TAMM41: variants seen among roughly 807,000 people sequenced by gnomAD.
The protein encoded by TAMM41 is TAM41 mitochondrial translocator assembly and maintenance homolog.
TAMM41 carries 36 observed loss-of-function variants against 44.1 expected under a neutral mutation model. That is an observed-to-expected ratio of 0.82 (90% CI 0.63 to 1.08). The LOEUF (loss-of-function observed/expected upper bound fraction) is 1.08, where lower values mean the gene tolerates loss of function less well. TAMM41 is among the 50% of genes least tolerant of loss of function. The pLI, the probability that TAMM41 is intolerant of heterozygous loss-of-function variation, is 0.00. For synonymous variants in TAMM41, 164 were observed against 153.1 expected (o/e 1.07, Z -0.53); for missense variants, 417 against 404.3 (o/e 1.03, Z -0.27).
intron 7 of TAMM41, among the ~76,000 whole-genome samples, chr3:11,806,917 A>T (rs1041628376): frequency 6.6e-6 from 1 of 152,254 alleles, no homozygotes; most frequent in African/African-American, 2.4e-5. Flanking sequence ...CTAGAAGTAA[A>T]AGATAAATGC....
chr3:11,781,467 G>A, the TAMM41 span, among the ~76,000 whole-genome samples: 1 of 152,126 alleles, frequency 6.6e-6, no homozygotes, highest in Non-Finnish European at 1.5e-5. Flanking sequence ...AGGTGCGGTG[G>A]CTCACACCTG....
downstream of TAMM41, among the ~76,000 whole-genome samples, chr3:11,790,061 A>G (rs1419878427): frequency 1.3e-5 from 2 of 152,226 alleles, no homozygotes; most frequent in African/African-American, 4.8e-5. Flanking sequence ...GCCTAGATCC[A>G]GGGAAATGTT....
chr3:11,775,764 T>C, the TAMM41 span, among the ~76,000 whole-genome samples: 1 of 152,170 alleles, frequency 6.6e-6, no homozygotes, highest in African/African-American at 2.4e-5. Context: ...TATGTATATA[T>C]ACAGCCATGC....
intron 3 of TAMM41, among the ~76,000 whole-genome samples, chr3:11,834,495 A>G (rs4684821): frequency 0.12 from 18,502 of 152,192 alleles, 2,379 homozygotes; most frequent in East Asian, 0.49. Flanking sequence ...TTTGGTCACA[A>G]TGCTATATTA....
chr3:11,813,934 A>G (rs940628944), intron 5 of TAMM41, among the ~76,000 whole-genome samples: 7 of 148,894 alleles, frequency 4.7e-5, no homozygotes, highest in African/African-American at 9.8e-5. Context: ...ATATGTGTGT[A>G]TATATGTGTA....
At chr3:11,761,803 C>T in the TAMM41 span, among the ~76,000 whole-genome samples, 8 of 151,818 alleles carry the variant, frequency 5.3e-5, no homozygotes, top group East Asian at 1.9e-4. Context: ...AAAAATTAGC[C>T]GTGCGTGGTG....
At chr3:11,785,683 C>A (rs2077412520), downstream of TAMM41, among the ~76,000 whole-genome samples, 1 of 151,536 alleles carries the variant, frequency 6.6e-6, no homozygotes, top group Non-Finnish European at 1.5e-5. Context: ...GCCACGATCT[C>A]CGCTCACTGC....
At position 11,817,234 on chromosome 3, in the gene TAMM41, T is replaced by C; in HGVS notation, c.666A>G (p.Glu222=). 1 of 1,613,098 alleles carries C rather than the reference T, an allele frequency of 6.2e-7. No homozygotes were observed. Among genetic ancestry groups the C allele is most frequent in the Non-Finnish European group, 8.5e-7 (1 of 1,179,192 alleles). Residue 222 remains glutamate (E), a synonymous_variant, in exon 5 of 8, where the codon GAA becomes GAG. Transcript: ENST00000455809. ...GGCTTTTATACACCACTTGAGGATT[T>C]TCCTGTAGTATGCTGCCATAGAGCT... ...FRELYGSILQ[E]NPQVVYKSQQ... is the part of the protein sequence containing the mutation.
chr3:11,725,247 C>T, the TAMM41 span, among the ~76,000 whole-genome samples: 2 of 130,040 alleles, frequency 1.5e-5, no homozygotes, highest in African/African-American at 2.8e-5. Flanking sequence ...TTCTCCTCCC[C>T]CTCCTCCTTC....
chr3:11,812,272 C>T (rs1047701061), intron 5 of TAMM41, among the ~76,000 whole-genome samples: 30 of 152,132 alleles, frequency 2.0e-4, no homozygotes, highest in African/African-American at 6.5e-4. Flanking sequence ...TATCCCAGGA[C>T]GAATGGCAGA....
chr3:11,804,977 C>T (rs554786635), intron 7 of TAMM41, among the ~76,000 whole-genome samples: 2 of 147,020 alleles, frequency 1.4e-5, no homozygotes, highest in South Asian at 2.2e-4. Context: ...ACTACGGGCG[C>T]GCACCACCAC....
the TAMM41 span, among the ~76,000 whole-genome samples, chr3:11,735,048 C>CAA: frequency 3.4e-4 from 37 of 107,420 alleles, no homozygotes; most frequent in African/African-American, 9.7e-4. Flanking sequence ...GACTCTGTCT[C>CAA]AAAAAAAAAA....
downstream of TAMM41, among the ~76,000 whole-genome samples, chr3:11,787,829 T>C (rs2077425922): frequency 6.6e-6 from 1 of 152,190 alleles, no homozygotes; most frequent in South Asian, 2.1e-4. Context: ...GACACCAAAG[T>C]ACATTTATTT....
chr3:11,838,979 T>C (rs2079309094), intron 3 of TAMM41, among the ~76,000 whole-genome samples: 1 of 152,156 alleles, frequency 6.6e-6, no homozygotes, highest in Non-Finnish European at 1.5e-5. Context: ...AACACTCAGA[T>C]ATTCCAAAGA....
At chr3:11,764,152 C>T in the TAMM41 span, among the ~76,000 whole-genome samples, 6 of 151,942 alleles carry the variant, frequency 3.9e-5, no homozygotes, top group East Asian at 1.9e-4. Flanking sequence ...TACAGGTGCA[C>T]GCCACCATGC....
the TAMM41 span, among the ~76,000 whole-genome samples, chr3:11,760,666 G>T: frequency 0.27 from 41,690 of 151,750 alleles, 6,237 homozygotes; most frequent in African/African-American, 0.41. Context: ...GCTTAAGCGA[G>T]TCTCATGCCT....
chr3:11,756,716 T>C, the TAMM41 span, among the ~76,000 whole-genome samples: 1 of 151,860 alleles, frequency 6.6e-6, no homozygotes, highest in African/African-American at 2.4e-5. Context: ...ACATACAAAA[T>C]TAGCTGGGCG....
chr3:11,779,619 T>C, the TAMM41 span, among the ~76,000 whole-genome samples: 1 of 146,566 alleles, frequency 6.8e-6, no homozygotes, highest in African/African-American at 2.6e-5. Context: ...TTCATGCTGG[T>C]GTTTGTTGTT....
At chr3:11,822,876 T>C (rs1355424300) in intron 4 of TAMM41, among the ~76,000 whole-genome samples, 2 of 152,252 alleles carry the variant, frequency 1.3e-5, no homozygotes, top group African/African-American at 2.4e-5. Context: ...ATATGTTTCA[T>C]TTCTCATAGG....
Sources: allele counts gnomAD v4.1 joint callset (sites outside exome capture counted in the v4.1 genomes callset), GRCh38; gene constraint gnomAD v4.1.1; transcripts MANE v1.5; gene names NCBI Gene and HGNC (gene_info 2026-07-23, HGNC 2026-07-21).